DRICH1: variants seen among roughly 807,000 people sequenced by gnomAD.
DRICH1 encodes the protein aspartate-rich protein 1.
Under a neutral mutation model 39.5 loss-of-function variants are expected in DRICH1, and 38 were observed. The observed-to-expected ratio is 0.96, with a 90% CI of 0.74 to 1.26. The LOEUF (loss-of-function observed/expected upper bound fraction) is 1.26, where lower values mean the gene tolerates loss of function less well. Among genes scored for constraint, DRICH1 ranks in the 50% most tolerant of loss-of-function variants. The probability of loss-of-function intolerance (pLI) is 0.00; values close to 1 mark genes in which losing one functional copy is unlikely to be tolerated. For synonymous variants in DRICH1, 84 were observed against 99.5 expected (o/e 0.84, Z 0.93); for missense variants, 279 against 270.4 (o/e 1.03, Z -0.22).
chr22:23,591,425 C>T, the DRICH1 span, among the ~76,000 whole-genome samples: 31 of 152,304 alleles, frequency 2.0e-4, no homozygotes, highest in East Asian at 6.0e-3. Context: ...CTCCCTGTGA[C>T]TCCCCTTTCT....
intron 3 of DRICH1, 66 bp downstream of exon 3, chr22:23,624,817 A>T: frequency 1.4e-6 from 2 of 1,454,994 alleles, no homozygotes; most frequent in South Asian, 1.1e-5. Flanking sequence ...AATCCAGATT[A>T]AGGTTTCTAT....
chr22:23,620,550 A>G, intron 5 of DRICH1, 44 bp downstream of exon 5: 2 of 1,580,868 alleles, frequency 1.3e-6, no homozygotes, highest in Non-Finnish European at 1.7e-6. Context: ...TATTAAAGCC[A>G]GCAAGTTTGT....
At chr22:23,603,182 G>A in the DRICH1 span, among the ~76,000 whole-genome samples, 55,970 of 151,174 alleles carry the variant, frequency 0.37, 10,807 homozygotes, top group East Asian at 0.57. Flanking sequence ...CAAATTTCTC[G>A]AAGTGGAATG....
chr22:23,624,855 A>T, intron 3 of DRICH1, 28 bp downstream of exon 3: 1 of 1,610,486 alleles, frequency 6.2e-7, no homozygotes, highest in African/African-American at 1.3e-5. Flanking sequence ...TTTGTTTCTC[A>T]GAAAGTGAGT....
chr22:23,611,890 G>A (rs549110486), intron 11 of DRICH1, among the ~76,000 whole-genome samples: 12 of 152,184 alleles, frequency 7.9e-5, no homozygotes, highest in Non-Finnish European at 1.8e-4. Flanking sequence ...AACATTTTAA[G>A]TAATATGTTA....
At chr22:23,585,728 C>T in the DRICH1 span, among the ~76,000 whole-genome samples, 267 of 152,254 alleles carry the variant, frequency 1.8e-3, 2 homozygotes, top group African/African-American at 6.0e-3. Flanking sequence ...CTGTGTTGCC[C>T]GGGCTGGACT....
chr22:23,632,030 T>TC lies in DRICH1; in HGVS notation c.-8dup, dbSNP rs773967314. On this transcript the variant is annotated 5_prime_UTR_variant, in exon 1 of 12. Coordinates refer to ENST00000317749, the MANE Select transcript of DRICH1 (RefSeq NM_016449.4). ...AGGTCAGTATATTCCCCATGGGGCCTCTCCATGCCTCTCCACTCCTGCCTC... is the reference window on the plus strand; with the variant it reads ...AGGTCAGTATATTCCCCATGGGGCCTCCTCCATGCCTCTCCACTCCTGCCTC... The TC allele has an allele frequency of 5.0e-6, 8 of 1,612,078 alleles. No individual in the cohort carries two copies. Among genetic ancestry groups the TC allele is most frequent in the Non-Finnish European group, 6.8e-6 (8 of 1,179,544 alleles).
chr22:23,608,799 G>A (rs1926876450), intron 11 of DRICH1, 31 bp from the exon 12 acceptor site: 1 of 1,556,134 alleles, frequency 6.4e-7, no homozygotes, highest in Non-Finnish European at 8.7e-7. Flanking sequence ...TTTTTAGTGA[G>A]AGCAGGCTCC....
chr22:23,613,794 A>T, intron 9 of DRICH1, 134 bp from the exon 10 acceptor site: 1 of 666,986 alleles, frequency 1.5e-6, no homozygotes, highest in Non-Finnish European at 2.6e-6. Flanking sequence ...AAGTCCCCCA[A>T]AGACTAGCAC....
intron 11 of DRICH1, among the ~76,000 whole-genome samples, chr22:23,609,455 C>G (rs999290296): frequency 6.6e-6 from 1 of 152,180 alleles, no homozygotes; most frequent in African/African-American, 2.4e-5. Flanking sequence ...CAGCAGGCAT[C>G]TGAGGGAGCC....
chr22:23,605,339 G>C (rs1051266409), downstream of DRICH1, among the ~76,000 whole-genome samples: 1 of 152,152 alleles, frequency 6.6e-6, no homozygotes, highest in Non-Finnish European at 1.5e-5. Context: ...AGAGGCACCA[G>C]CACCGTGTAG....
intron 6 of DRICH1, among the ~76,000 whole-genome samples, 179 bp from the exon 7 acceptor site, chr22:23,617,836 A>G (rs1458496858): frequency 6.6e-6 from 1 of 152,140 alleles, no homozygotes; most frequent in Admixed American, 6.5e-5. Context: ...TTGGCCTTGT[A>G]CTAGAGGCAT....
At chr22:23,598,065 C>T in the DRICH1 span, among the ~76,000 whole-genome samples, 3 of 150,778 alleles carry the variant, frequency 2.0e-5, no homozygotes, top group Non-Finnish European at 4.4e-5. Flanking sequence ...CAGGCAGGGC[C>T]ACCGGAGCTG....
In DRICH1 at chr22:23,613,669, A is replaced by T; in HGVS notation, c.622-9T>A. 6.3e-7 allele frequency: 1 copy of T among 1,587,632 alleles called. No individual in the cohort carries two copies. The highest frequency in any genetic ancestry group is 1.1e-5 in the South Asian group (1 of 90,352). On this transcript the variant is annotated splice_polypyrimidine_tract_variant and intron_variant, in intron 9 of 11. Coordinates refer to ENST00000317749, the MANE Select transcript of DRICH1 (RefSeq NM_016449.4). ...TCTATCCGAGCTGTTATCTGCAATT[A>T]TATAAAAGAAAACATTATGAAAATC...
chr22:23,599,283 G>T, the DRICH1 span, among the ~76,000 whole-genome samples: 25 of 152,304 alleles, frequency 1.6e-4, no homozygotes, highest in African/African-American at 1.2e-4. Flanking sequence ...AGCCCAGTGT[G>T]CGTGTTCACA....
chr22:23,623,146 T>TA lies in DRICH1; in HGVS notation c.299-971dup, dbSNP rs576597465. 2.0e-4 allele frequency among the ~76,000 whole-genome samples: 31 copies of TA among 152,326 alleles called. No homozygotes were observed. The South Asian group carries it at 4.6e-3, about 22-fold the overall frequency. On this transcript the variant is annotated intron_variant, in intron 3 of 11. Transcript: ENST00000317749. ...TTGGCTGGGCATGGTGGCTCATGCCTATAATCCCAGCACTTTTTGGGAGGC... is the reference window on the plus strand; with the variant it reads ...TTGGCTGGGCATGGTGGCTCATGCCTAATAATCCCAGCACTTTTTGGGAGGC...
intron 8 of DRICH1, 111 bp from the exon 9 acceptor site, chr22:23,614,325 T>G: frequency 5.3e-6 from 4 of 756,084 alleles, no homozygotes; most frequent in Non-Finnish European, 9.5e-6. Context: ...AAGCATGGAC[T>G]GAGTTGATGC....
At chr22:23,607,540 G>GC (rs540568001), downstream of DRICH1, among the ~76,000 whole-genome samples, 767 of 151,448 alleles carry the variant, frequency 5.1e-3, 9 homozygotes, top group African/African-American at 0.017. Context: ...GGCGGGGGCG[G>GC]GGGGGGGCCT....
At chr22:23,629,759 AG>A (rs1368682089) in intron 1 of DRICH1, among the ~76,000 whole-genome samples, 1 of 152,060 alleles carries the variant, frequency 6.6e-6, no homozygotes, top group Non-Finnish European at 1.5e-5. Context: ...CTAGGACTAC[AG>A]GTATGGGCCA....
Sources: allele counts gnomAD v4.1 joint callset (sites outside exome capture counted in the v4.1 genomes callset), GRCh38; gene constraint gnomAD v4.1.1; transcripts MANE v1.5; gene names NCBI Gene and HGNC (gene_info 2026-07-23, HGNC 2026-07-21).